Variants in TRRAP observed in about 807,000 individuals in gnomAD.
TRRAP encodes the protein transformation/transcription domain-associated protein.
A neutral mutation model predicts 438.8 loss-of-function variants in TRRAP; 41 were observed. That is an observed-to-expected ratio of 0.09 (90% CI 0.07 to 0.12). The LOEUF is 0.12. Ranked by LOEUF, TRRAP falls within the 10% of genes least tolerant of loss-of-function variation. The probability of loss-of-function intolerance (pLI) is 1.00; values close to 1 mark genes in which losing one functional copy is unlikely to be tolerated. For synonymous variants in TRRAP, 1,994 were observed against 1,962.9 expected (o/e 1.02, Z -0.42); for missense variants, 3,122 against 5,055.1 (o/e 0.62, Z 11.60).
intron 33 of TRRAP, among the ~76,000 whole-genome samples, chr7:98,947,430 G>A (rs372181989): frequency 6.6e-6 from 1 of 151,122 alleles, no homozygotes; most frequent in African/African-American, 2.4e-5. Context: ...CTCTGCTAGG[G>A]TTTTTTTTGT....
chr7:98,926,019 C>G (rs1554411480), intron 22 of TRRAP, among the ~76,000 whole-genome samples: 1 of 152,100 alleles, frequency 6.6e-6, no homozygotes, highest in East Asian at 1.9e-4. Context: ...TAATGAAAGA[C>G]AAACTGGAAA....
rs1183379612 is a variant in TRRAP, at chr7:98,951,058, TCTG to T, written c.5463+55_5463+57del. On this transcript the variant is annotated intron_variant, in intron 39 of 72. Coordinates refer to ENST00000456197, the MANE Select transcript of TRRAP (RefSeq NM_001375524.1). ...AAGTAGCCTGGCATGTGGATGAACA[TCTG>T]TGTGTGTGTGTGTGTGTGTGTGTGT... 3.4e-6 allele frequency: 5 copies of T among 1,480,328 alleles called. No homozygotes were observed. The African/African-American group carries it at 7.0e-5, about 21-fold the overall frequency. The allele number at this position is 1,480,328 out of a possible 1,614,324, so 91.7% of individuals were successfully genotyped here. A position where few individuals can be genotyped will look rare whatever the true frequency, so the allele number is the denominator to read the frequency against.
At chr7:99,004,587 C>T (rs542131775) in intron 68 of TRRAP, among the ~76,000 whole-genome samples, 172 bp downstream of exon 68, 4 of 152,262 alleles carry the variant, frequency 2.6e-5, no homozygotes, top group African/African-American at 9.6e-5. Context: ...AAGTTCTGCC[C>T]GCGCTGACTG....
At chr7:99,003,488 C>G (rs1248717018) in intron 67 of TRRAP, among the ~76,000 whole-genome samples, 1 of 152,134 alleles carries the variant, frequency 6.6e-6, no homozygotes, top group African/African-American at 2.4e-5. Context: ...GGATGCTGGT[C>G]TTCAGGCCCT....
chr7:98,967,117 T>C lies in TRRAP; in HGVS notation c.7253T>C (p.Leu2418Pro). 1.2e-6 allele frequency: 2 copies of C among 1,614,092 alleles called. No individual in the cohort carries two copies. Among genetic ancestry groups the C allele is most frequent in the Non-Finnish European group, 1.7e-6 (2 of 1,179,996 alleles). Residue 2418 changes from leucine (L) to proline (P), a missense_variant, in exon 50 of 73, where the codon CTT (leucine) becomes CCT (proline). By Grantham distance (98) the Leu-to-Pro change is moderately conservative (BLOSUM62 -3). This residue lies in a region of TRRAP where 992 missense variants were observed against 1,281.2 expected (regional missense o/e 0.77). Transcript: ENST00000456197. ...ATAGAAAAACGCTTTCCGGAAGACC[T>C]TGAATTAAATGCCCAGTTTTTAGAT... Reference protein sequence around the residue: ...TYIEKRFPEDLELNAQFLDLV... With the variant: ...TYIEKRFPEDPELNAQFLDLV...
intron 11 of TRRAP, 115 bp from the exon 12 acceptor site, chr7:98,903,264 C>A: frequency 7.4e-7 from 1 of 1,342,644 alleles, no homozygotes; most frequent in Non-Finnish European, 1.0e-6. Flanking sequence ...TCATGTGACC[C>A]ACCCACCTCG....
chr7:98,880,746 T>C (rs1454992247), intron 1 of TRRAP, among the ~76,000 whole-genome samples: 1 of 152,198 alleles, frequency 6.6e-6, no homozygotes, highest in Non-Finnish European at 1.5e-5. Flanking sequence ...TGTGACTGCT[T>C]TCTGGTTATA....
chr7:99,006,249 G>A (rs1005675818), intron 69 of TRRAP, among the ~76,000 whole-genome samples: 10 of 152,162 alleles, frequency 6.6e-5, no homozygotes, highest in Admixed American at 2.0e-4. Flanking sequence ...TCGGGAGCCC[G>A]CTGCAATGTA....
chr7:98,896,792 A>C lies in TRRAP; in HGVS notation c.508-949A>C, dbSNP rs79733964. ...GTCTGGGGAGAATGTATAAAACTTAAAATTAGTGACTTTGAGTTGTCAAGT... is the reference window on the plus strand; with the variant it reads ...GTCTGGGGAGAATGTATAAAACTTACAATTAGTGACTTTGAGTTGTCAAGT... On this transcript the variant is annotated intron_variant, in intron 7 of 72. Coordinates refer to ENST00000456197, the MANE Select transcript of TRRAP (RefSeq NM_001375524.1). Among the ~76,000 whole-genome samples the C allele has an allele frequency of 8.2e-3, 1,249 of 152,302 alleles. 11 individuals are homozygous for C. Among genetic ancestry groups the C allele is most frequent in the African/African-American group, 0.026 (1,079 of 41,548 alleles).
intron 31 of TRRAP, among the ~76,000 whole-genome samples, chr7:98,944,723 C>T (rs1790963183): frequency 6.6e-6 from 1 of 152,196 alleles, no homozygotes; most frequent in Non-Finnish European, 1.5e-5. Context: ...TTGGTGGAAT[C>T]CCCAAATGAC....
chr7:98,983,540 G>A (rs778840268), intron 60 of TRRAP, 81 bp downstream of exon 60: 21 of 1,477,540 alleles, frequency 1.4e-5, no homozygotes, highest in Non-Finnish European at 1.9e-5. Context: ...CTGTGTTTTG[G>A]TTTGGTTTGG....
chr7:98,984,503 T>C, intron 61 of TRRAP, 145 bp downstream of exon 61: 1 of 1,042,336 alleles, frequency 9.6e-7, no homozygotes. Context: ...GGGGAAACAG[T>C]CCTTCCAAAA....
intron 3 of TRRAP, among the ~76,000 whole-genome samples, chr7:98,883,848 C>T (rs1203864071): frequency 6.6e-6 from 1 of 152,164 alleles, no homozygotes; most frequent in Non-Finnish European, 1.5e-5. Flanking sequence ...GTGGACATTA[C>T]TTGTGAGACA....
Position 98,949,858 on chromosome 7 carries a change from G to A in TRRAP, c.5135+17G>A, listed in dbSNP as rs370331424. The A allele has an allele frequency of 2.2e-5, 36 of 1,606,994 alleles. No individual in the cohort carries two copies. In the East Asian group the frequency reaches 3.1e-4, roughly 14 times the overall value. ...CTACTGCAAGTGGGTGCCTCCTCCC[G>A]CCCTGCCCCGCGGGACTGGCTCTGT... is the stretch of plus-strand genomic sequence containing the variant. On this transcript the variant is annotated intron_variant, in intron 37 of 72. Transcript: ENST00000456197.
chr7:98,931,329 G>T, intron 25 of TRRAP, 76 bp from the exon 26 acceptor site: 3 of 1,563,150 alleles, frequency 1.9e-6, no homozygotes, highest in South Asian at 1.2e-5. Flanking sequence ...CTTTATGGCA[G>T]ACAGGTGTGC....
chr7:98,927,407 G>T, intron 23 of TRRAP, 41 bp downstream of exon 23: 1 of 1,603,136 alleles, frequency 6.2e-7, no homozygotes, highest in South Asian at 1.1e-5. Context: ...TTGGTTCTTT[G>T]ACTTTTATAG....
rs545114797 is a variant in TRRAP at position 98,994,419 on chromosome 7, C to T, written c.10048-168C>T. On this transcript the variant is annotated intron_variant, in intron 66 of 72. Coordinates refer to ENST00000456197, the MANE Select transcript of TRRAP (RefSeq NM_001375524.1). The surrounding 1 kb of genome is among the most constrained non-coding windows in gnomAD (Gnocchi z 4.8). Reference sequence around the variant, plus strand: ...CCTGCTCCCATGTGGCATGCACAGGCGTCCCGTTTCTTGCACACGCCGATT... The same window carrying T: ...CCTGCTCCCATGTGGCATGCACAGGTGTCCCGTTTCTTGCACACGCCGATT... 2.4e-4 allele frequency among the ~76,000 whole-genome samples: 36 copies of T among 152,330 alleles called. No individual in the cohort carries two copies. Among genetic ancestry groups the T allele is most frequent in the African/African-American group, 7.7e-4 (32 of 41,572 alleles).
rs782078583 is a variant in TRRAP at position 98,908,951 on chromosome 7, C to T, written c.1339C>T (p.Arg447Trp). The T allele has an allele frequency of 3.7e-6, 6 of 1,612,560 alleles. No homozygotes were observed. Among genetic ancestry groups the T allele is most frequent in the East Asian group, 2.2e-5 (1 of 44,796 alleles). The change falls in exon 14 of 73, where the codon CGG becomes TGG. Residue 447 changes from arginine (R) to tryptophan (W), a missense_variant. Arg to Trp is a moderately radical substitution (Grantham distance 101). Coordinates refer to ENST00000456197, the MANE Select transcript of TRRAP (RefSeq NM_001375524.1). The surrounding 1 kb of genome is among the most constrained non-coding windows in gnomAD (Gnocchi z 4.1). ...TGGCAATGGGAGAGACGTCCTGATG[C>T]GGATGCTGGAGGTACCAGCTCTTCT... ...ESGNGRDVLM[R>W]MLEVFVLKFH... is the part of the protein sequence containing the mutation.
At chr7:98,881,068 A>T in intron 1 of TRRAP, 22 bp from the exon 2 acceptor site, 1 of 1,169,020 alleles carries the variant, frequency 8.6e-7, no homozygotes, top group Non-Finnish European at 1.2e-6. Flanking sequence ...TAAATTGACT[A>T]ACTCTATGCT....
Sources: gnomAD v4.1 joint callset for allele counts (sites outside exome capture counted in the v4.1 genomes callset) on GRCh38, gnomAD v4.1.1 for gene constraint, gnomAD v4.1.1 regional missense constraint, Gnocchi (gnomAD v3.1) non-coding constraint, MANE v1.5 for transcripts, NCBI Gene and HGNC (gene_info 2026-07-23, HGNC 2026-07-21) for gene names.